Variants in RORB observed in about 807,000 individuals in gnomAD.
The protein encoded by RORB is nuclear receptor ROR-beta.
A neutral mutation model predicts 59.1 loss-of-function variants in RORB; 6 were observed. That is an observed-to-expected ratio of 0.10 (90% confidence interval 0.06 to 0.20). The LOEUF (loss-of-function observed/expected upper bound fraction) is 0.20. Ranked by LOEUF, RORB falls within the 10% of genes least tolerant of loss-of-function variation. RORB has a pLI of 1.00. For synonymous variants in RORB, 215 were observed against 204.5 expected (o/e 1.05, Z -0.44); for missense variants, 320 against 560.5 (o/e 0.57, Z 4.33).
At chr9:74,575,694 G>A (rs1822624607) in intron 1 of RORB, among the ~76,000 whole-genome samples, 1 of 152,126 alleles carries the variant, frequency 6.6e-6, no homozygotes, top group African/African-American at 2.4e-5. Flanking sequence ...ACAGAAAAAT[G>A]TTGTTCAGTT....
At chr9:74,554,719 A>T (rs1249159918) in intron 1 of RORB, among the ~76,000 whole-genome samples, 1 of 152,230 alleles carries the variant, frequency 6.6e-6, no homozygotes, top group Non-Finnish European at 1.5e-5. Context: ...GATAGTTGAA[A>T]TACTAGCCTG....
chr9:74,583,794 C>T (rs1234184116), intron 1 of RORB, among the ~76,000 whole-genome samples: 2 of 152,144 alleles, frequency 1.3e-5, no homozygotes, highest in African/African-American at 2.4e-5. Flanking sequence ...TTGAGATTCT[C>T]AAAGCTGAAT....
chr9:74,544,343 A>G lies in RORB; in HGVS notation c.7+46360A>G, dbSNP rs374201135. On this transcript the variant is annotated intron_variant, in intron 1 of 9. Coordinates refer to ENST00000376896, the MANE Select transcript of RORB (RefSeq NM_006914.4). ...ACGCAAAGACTGTTCTTCGGTTTCC[A>G]GAGACCACAGGATGTCTATGCACAA... 4.6e-5 allele frequency among the ~76,000 whole-genome samples: 7 copies of G among 152,320 alleles called. No individual in the cohort carries two copies. In the South Asian group the frequency reaches 1.5e-3, roughly 32 times the overall value.
chr9:74,662,329 G>T, intron 5 of RORB, 145 bp from the exon 6 acceptor site: 1 of 748,764 alleles, frequency 1.3e-6, no homozygotes, highest in Non-Finnish European at 2.2e-6. Context: ...AATAAAAGTA[G>T]TGCCCTCCTT....
chr9:74,633,495 T>C (rs1823652729), intron 2 of RORB, among the ~76,000 whole-genome samples: 1 of 152,226 alleles, frequency 6.6e-6, no homozygotes, highest in Non-Finnish European at 1.5e-5. Context: ...AAGCTTAATG[T>C]AGACCATGAT....
At chr9:74,635,798 C>G (rs914883527) in intron 3 of RORB, among the ~76,000 whole-genome samples, 1 of 152,054 alleles carries the variant, frequency 6.6e-6, no homozygotes, top group Admixed American at 6.5e-5. Context: ...TAGACACACA[C>G]AAAACAAGAA....
intron 1 of RORB, among the ~76,000 whole-genome samples, chr9:74,628,529 T>C (rs941921672): frequency 1.3e-5 from 2 of 152,246 alleles, no homozygotes; most frequent in Admixed American, 1.3e-4. Context: ...TGAGGTTTTT[T>C]GCTTACAAAG....
At chr9:74,666,394 G>T (rs1287410742) in intron 7 of RORB, among the ~76,000 whole-genome samples, 1 of 151,946 alleles carries the variant, frequency 6.6e-6, no homozygotes, top group Non-Finnish European at 1.5e-5. Context: ...CTGGGAGATT[G>T]AGGCTACAGT....
At chr9:74,580,010 T>C (rs1822697273) in intron 1 of RORB, among the ~76,000 whole-genome samples, 2 of 152,242 alleles carry the variant, frequency 1.3e-5, no homozygotes, top group Non-Finnish European at 2.9e-5. Flanking sequence ...ATAATTGTTC[T>C]ATTTTATTAT....
At chr9:74,533,130 C>T (rs1826272426) in intron 1 of RORB, among the ~76,000 whole-genome samples, 1 of 151,780 alleles carries the variant, frequency 6.6e-6, no homozygotes, top group Non-Finnish European at 1.5e-5. Context: ...TCTGTAGGCA[C>T]TTGTGTTTGC....
rs1822805696 is a variant in RORB at position 74,586,696 on chromosome 9, T to G, written c.8-43586T>G. On this transcript the variant is annotated intron_variant, in intron 1 of 9. Coordinates refer to ENST00000376896, the MANE Select transcript of RORB (RefSeq NM_006914.4). ...TTCCTACTTCTTATGCTACTCCACA[T>G]GGACAAAGTTGGAATATTTTCTCTA... Among the ~76,000 whole-genome samples, 4 of 151,252 alleles carry G rather than the reference T, an allele frequency of 2.6e-5. No homozygotes were observed. In the South Asian group the frequency reaches 8.4e-4, roughly 32 times the overall value.
At chr9:74,512,315 G>A (rs1181869409) in intron 1 of RORB, among the ~76,000 whole-genome samples, 1 of 152,184 alleles carries the variant, frequency 6.6e-6, no homozygotes, top group Non-Finnish European at 1.5e-5. Context: ...ATGATGAATT[G>A]ATTCCCATTG....
intron 4 of RORB, among the ~76,000 whole-genome samples, chr9:74,659,356 T>C (rs916143018): frequency 2.0e-5 from 3 of 152,200 alleles, no homozygotes; most frequent in African/African-American, 7.2e-5. Context: ...AGAACAGAAC[T>C]TACATTTGAA....
chr9:74,545,926 C>A (rs964130581), intron 1 of RORB, among the ~76,000 whole-genome samples: 1 of 152,020 alleles, frequency 6.6e-6, no homozygotes, highest in African/African-American at 2.4e-5. Flanking sequence ...TCAAACATAG[C>A]CATCTAACAA....
In RORB at chr9:74,692,947, T is replaced by C. The variant is rs1824770528; in HGVS notation, c.*7329T>C. The C allele has an allele frequency of 6.6e-6, 1 of 152,172 alleles. No individual in the cohort carries two copies. Among genetic ancestry groups the C allele is most frequent in the African/African-American group, 2.4e-5 (1 of 41,466 alleles). 9.4% of individuals were successfully genotyped at this position (152,172 alleles called of 1,614,324 possible). A position where few individuals can be genotyped will look rare whatever the true frequency, so the allele number is the denominator to read the frequency against. On this transcript the variant is annotated 3_prime_UTR_variant, in exon 10 of 10. Transcript: ENST00000376896. Reference sequence around the variant, plus strand: ...AGTATTGAGTTTTTTTAATCATAAATATACTAGAATAAAACAGCACTCCCT... The same window carrying C: ...AGTATTGAGTTTTTTTAATCATAAACATACTAGAATAAAACAGCACTCCCT...
At chr9:74,660,355 C>T (rs989344906) in intron 4 of RORB, among the ~76,000 whole-genome samples, 1 of 151,928 alleles carries the variant, frequency 6.6e-6, no homozygotes, top group Non-Finnish European at 1.5e-5. Context: ...AAATAAATAC[C>T]TTTGAATGGT....
At chr9:74,662,867 T>C (rs1824211633) in intron 6 of RORB, among the ~76,000 whole-genome samples, 1 of 151,856 alleles carries the variant, frequency 6.6e-6, no homozygotes, top group Non-Finnish European at 1.5e-5. Flanking sequence ...TGACAGGCAG[T>C]GCAAGTAATT....
chr9:74,662,714 C>A, intron 6 of RORB, 108 bp downstream of exon 6: 2 of 1,171,340 alleles, frequency 1.7e-6, no homozygotes, highest in Non-Finnish European at 2.5e-6. Context: ...CTCGTTTCTA[C>A]CACCCACATT....
chr9:74,588,852 A>G (rs150335274), intron 1 of RORB, among the ~76,000 whole-genome samples: 22 of 151,788 alleles, frequency 1.4e-4, no homozygotes, highest in African/African-American at 5.3e-4. Flanking sequence ...ACAGTTGTAT[A>G]TTTTTCTCTG....
Sources: allele counts gnomAD v4.1 joint callset (sites outside exome capture counted in the v4.1 genomes callset), GRCh38; gene constraint gnomAD v4.1.1; transcripts MANE v1.5; gene names NCBI Gene and HGNC (gene_info 2026-07-23, HGNC 2026-07-21).